Variants in SALL4 observed in about 807,000 individuals in gnomAD.
SALL4 encodes sal-like protein 4.
Under a neutral mutation model 60.8 loss-of-function variants are expected in SALL4, and 4 were observed. That is an observed-to-expected ratio of 0.07 (90% CI 0.03 to 0.15). SALL4 has a LOEUF of 0.15. Among genes scored for constraint, SALL4 ranks in the 10% least tolerant of loss-of-function variants. SALL4 has a pLI of 1.00. For synonymous variants in SALL4, 580 were observed against 574.9 expected (o/e 1.01, Z -0.13); for missense variants, 1,178 against 1,394.7 (o/e 0.84, Z 2.48).
Position 51,788,855 on chromosome 20 carries a change from A to AC in SALL4, c.2742+5dup. The AC allele has an allele frequency of 6.2e-7, 1 of 1,613,942 alleles. No individual in the cohort carries two copies. Among genetic ancestry groups the AC allele is most frequent in the Non-Finnish European group, 8.5e-7 (1 of 1,180,032 alleles). ...CCCATCCTGCTGAAAGCCCACACAA[A>AC]CCCACCTTTAAGTTGCCTTTGGTGG... On this transcript the variant is annotated splice_donor_region_variant and intron_variant, in intron 3 of 3. Coordinates refer to ENST00000217086, the MANE Select transcript of SALL4 (RefSeq NM_020436.5). The surrounding 1 kb of genome is among the most constrained non-coding windows in gnomAD (Gnocchi z 4.1).
chr20:51,785,431 T>C (rs985378224), intron 3 of SALL4, among the ~76,000 whole-genome samples: 7 of 152,224 alleles, frequency 4.6e-5, no homozygotes, highest in Non-Finnish European at 1.0e-4. Flanking sequence ...TTTTGTATCA[T>C]CGTAAATCAA....
intron 3 of SALL4, among the ~76,000 whole-genome samples, chr20:51,786,210 C>G (rs2077991527): frequency 6.6e-6 from 1 of 151,776 alleles, no homozygotes; most frequent in Non-Finnish European, 1.5e-5. Flanking sequence ...CCTCAGCCTC[C>G]CGAGTAGCTG....
intron 1 of SALL4, among the ~76,000 whole-genome samples, chr20:51,799,255 A>G (rs912328269): frequency 3.3e-5 from 5 of 152,212 alleles, no homozygotes; most frequent in African/African-American, 1.2e-4. Flanking sequence ...TCACTGCTAT[A>G]TAGAGGAGGA....
Position 51,802,287 on chromosome 20 carries a change from C to A in SALL4, c.122G>T (p.Gly41Val). The A allele has an allele frequency of 6.2e-7, 1 of 1,604,820 alleles. No homozygotes were observed. Among genetic ancestry groups the A allele is most frequent in the South Asian group, 1.1e-5 (1 of 90,244 alleles). Reference sequence around the variant, plus strand: ...GCCCCAGCCCCACTCACCCAGCTCCCCCGCCGCGGGCGCCGCTGGGGCCGC... The same window carrying A: ...GCCCCAGCCCCACTCACCCAGCTCCACCGCCGCGGGCGCCGCTGGGGCCGC... ...ADAAPAAPAA[G>V]ELGAPVNHPG... Residue 41 changes from glycine to valine, a missense_variant, in exon 1 of 4, where the codon GGG (glycine) becomes GTG (valine). Gly to Val is a moderately radical substitution (Grantham distance 109, BLOSUM62 -3). Around this residue, in one of 5 missense-constraint regions of SALL4, gnomAD observed 108 missense variants for 95.7 expected, o/e 1.13. Transcript: ENST00000217086.
At chr20:51,793,130 T>C (rs1432040081) in intron 1 of SALL4, 1 of 209,128 alleles carries the variant, frequency 4.8e-6, no homozygotes, top group Non-Finnish European at 8.3e-6. Context: ...GCCACAGAAA[T>C]TAAGTGAAAG....
In SALL4 at chr20:51,793,047, A is replaced by G. The variant is rs558540223; in HGVS notation, c.131-695T>C. 8.6e-5 allele frequency: 81 copies of G among 939,986 alleles called. No homozygotes were observed. The South Asian group carries it at 1.8e-3, about 21-fold the overall frequency. The allele number at this position is 939,986 out of a possible 1,614,324, so 58.2% of individuals were successfully genotyped here. A position where few individuals can be genotyped will look rare whatever the true frequency, so the allele number is the denominator to read the frequency against. ...TCTAGGTTTTCTTGTTTTTTCAGAA[A>G]TGTTCACAGCAGCAAAGAAGTAAAT... On this transcript the variant is annotated intron_variant, in intron 1 of 3. Transcript: ENST00000217086.
chr20:51,792,546 G>A (rs1419618390), intron 1 of SALL4, among the ~76,000 whole-genome samples, 194 bp from the exon 2 acceptor site: 2 of 151,890 alleles, frequency 1.3e-5, no homozygotes, highest in African/African-American at 2.4e-5. Flanking sequence ...AAAATTAGCT[G>A]GGCATGGTGG....
At chr20:51,796,503 T>C (rs1019088584) in intron 1 of SALL4, among the ~76,000 whole-genome samples, 6 of 152,234 alleles carry the variant, frequency 3.9e-5, no homozygotes, top group Non-Finnish European at 8.8e-5. Context: ...GTGTCTTTTA[T>C]GTGTGGCCCA....
intron 1 of SALL4, among the ~76,000 whole-genome samples, chr20:51,802,076 G>C (rs1392564067): frequency 6.6e-6 from 1 of 151,856 alleles, no homozygotes; most frequent in South Asian, 2.1e-4. Flanking sequence ...CACAAGAGGG[G>C]AGAAGAGGAA....
At position 51,784,650 on chromosome 20, in the gene SALL4, G is replaced by A; in HGVS notation, c.2777C>T (p.Ser926Leu). Residue 926 changes from serine (S) to leucine (L), a missense_variant, in exon 4 of 4, where the codon TCA becomes TTA. Physicochemically the swap from Ser to Leu is moderately radical, Grantham distance 145. Around this residue, in one of 5 missense-constraint regions of SALL4, gnomAD observed 174 missense variants for 169.6 expected, o/e 1.03. Coordinates refer to ENST00000217086, the MANE Select transcript of SALL4 (RefSeq NM_020436.5). Reference sequence around the variant, plus strand: ...GGCCAACTTCCTTCCACGGCGGGCTGAGTTATTGTTCGCCCCGTGTGTCAT... The same window carrying A: ...GGCCAACTTCCTTCCACGGCGGGCTAAGTTATTGTTCGCCCCGTGTGTCAT... Reference protein sequence around the residue: ...HYMTHGANNNSARRGRKLAIE... With the variant: ...HYMTHGANNNLARRGRKLAIE... 6.2e-7 allele frequency: 1 copy of A among 1,614,202 alleles called. No individual in the cohort carries two copies. Among genetic ancestry groups the A allele is most frequent in the Non-Finnish European group, 8.5e-7 (1 of 1,180,038 alleles).
At chr20:51,796,274 TA>T (rs1194422393) in intron 1 of SALL4, among the ~76,000 whole-genome samples, 1 of 146,794 alleles carries the variant, frequency 6.8e-6, no homozygotes, top group African/African-American at 2.5e-5. Context: ...GCAAAAACAT[TA>T]ACCACTCCAT....
In SALL4 at chr20:51,789,182, A is replaced by G. The variant is rs2078016312; in HGVS notation, c.2462-41T>C. The G allele has an allele frequency of 4.4e-6, 7 of 1,608,252 alleles. No homozygotes were observed. In the East Asian group the frequency reaches 1.6e-4, roughly 36 times the overall value. On this transcript the variant is annotated intron_variant, in intron 2 of 3. Coordinates refer to ENST00000217086, the MANE Select transcript of SALL4 (RefSeq NM_020436.5). ...GAAAAAAGCCAGACCTTTATCATCC[A>G]ACCTTCATTCTTTCTCTTCAAAGCA...
In SALL4 at chr20:51,789,127, G is replaced by A. The variant is rs769345613; in HGVS notation, c.2476C>T (p.Pro826Ser). 28 of 1,614,164 alleles carry A rather than the reference G, an allele frequency of 1.7e-5. No individual in the cohort carries two copies. Among genetic ancestry groups the A allele is most frequent in the Non-Finnish European group, 2.4e-5 (28 of 1,180,008 alleles). ...GGCGGGGCTCGGATAAACGTGGAAG[G>A]GAGACTGCTCCGACCTAGTACACAG... ...RTEMEGRSSL[P>S]STFIRAPPTY... Residue 826 changes from proline to serine, a missense_variant, in exon 3 of 4, where the codon CCT (proline) becomes TCT (serine). Pro to Ser is a moderately conservative substitution (Grantham distance 74, BLOSUM62 -1). Transcript: ENST00000217086.
At position 51,802,385 on chromosome 20, in the gene SALL4, T is replaced by C. The variant is rs149430070; in HGVS notation, c.24A>G (p.Lys8=). The change falls in exon 1 of 4, where the codon AAA becomes AAG. Residue 8 remains lysine (K), a synonymous_variant. Transcript: ENST00000217086. ...CCTCCTCCGAGTTGATGTGCTGGGG[T>C]TTCGCCTGCTTGCGCCTCGACATGG... The part of the protein sequence containing the change: MSRRKQA[K]PQHINSEEDQ... 1,218 of 1,611,690 alleles carry C rather than the reference T, an allele frequency of 7.6e-4. 1 individual carries two copies. The highest frequency in any genetic ancestry group is 9.6e-4 in the Non-Finnish European group (1,132 of 1,179,860).
Position 51,802,507 on chromosome 20 carries a change from C to T in SALL4, c.-99G>A, listed in dbSNP as rs949493755. 9.7e-6 allele frequency: 15 copies of T among 1,552,096 alleles called. No individual in the cohort carries two copies. The highest frequency in any genetic ancestry group is 4.1e-5 in the African/African-American group (3 of 74,000). Reference sequence around the variant, plus strand: ...TTTACCCCCCTTCGGCCGGAACGCGCATGTCCCAGTAATTATTATTATCAA... The same window carrying T: ...TTTACCCCCCTTCGGCCGGAACGCGTATGTCCCAGTAATTATTATTATCAA... On this transcript the variant is annotated 5_prime_UTR_variant, in exon 1 of 4. It removes an upstream start codon present in the reference 5' UTR. Coordinates refer to ENST00000217086, the MANE Select transcript of SALL4 (RefSeq NM_020436.5).
intron 1 of SALL4, 113 bp downstream of exon 1, chr20:51,802,166 C>T: frequency 7.5e-7 from 1 of 1,326,838 alleles, no homozygotes; most frequent in Non-Finnish European, 1.0e-6. Flanking sequence ...CCCCAAATCT[C>T]GGCTCCTGAA....
In SALL4 at chr20:51,784,166, G is replaced by T; in HGVS notation, c.*99C>A. ...CGTAGTAAACATCATTTGCATATCAGTAAGAAAAAGAAAACAGGAGGAGAT... is the reference window on the plus strand; with the variant it reads ...CGTAGTAAACATCATTTGCATATCATTAAGAAAAAGAAAACAGGAGGAGAT... On this transcript the variant is annotated 3_prime_UTR_variant, in exon 4 of 4. Transcript: ENST00000217086. The T allele has an allele frequency of 7.1e-7, 1 of 1,403,162 alleles. No individual in the cohort carries two copies. The highest frequency in any genetic ancestry group is 1.0e-6 in the Non-Finnish European group (1 of 999,710). 86.9% of individuals were successfully genotyped at this position (1,403,162 alleles called of 1,614,324 possible).
At chr20:51,785,496 A>AT (rs2077985632) in intron 3 of SALL4, among the ~76,000 whole-genome samples, 1 of 152,124 alleles carries the variant, frequency 6.6e-6, no homozygotes, top group African/African-American at 2.4e-5. Context: ...CAGATTTCTT[A>AT]TATCACCTAA....
rs1568866688 is a variant in SALL4 at position 51,792,712 on chromosome 20, C to CAAAAAAAAAAAA, written c.131-361_131-360insTTTTTTTTTTTT. On this transcript the variant is annotated intron_variant, in intron 1 of 3. Transcript: ENST00000217086. ...TCAAAAAAAAAAAAAAAAAAAAAGG[C>CAAAAAAAAAAAA]AAAAAGGCTGATCCCTGAATTTCTT... 8 of 519,504 alleles carry CAAAAAAAAAAAA rather than the reference C, an allele frequency of 1.5e-5. No homozygotes were observed. The African/African-American group carries it at 2.5e-4, about 16-fold the overall frequency. The allele number at this position is 519,504 out of a possible 1,614,324, so 32.2% of individuals were successfully genotyped here. A position where few individuals can be genotyped will look rare whatever the true frequency, so the allele number is the denominator to read the frequency against.
Sources: allele counts gnomAD v4.1 joint callset (sites outside exome capture counted in the v4.1 genomes callset), GRCh38; gene constraint gnomAD v4.1.1; regional missense constraint gnomAD v4.1.1; non-coding constraint Gnocchi (gnomAD v3.1); transcripts MANE v1.5; gene names NCBI Gene and HGNC (gene_info 2026-07-23, HGNC 2026-07-21).